The following SMC2 variants were observed in gnomAD, a reference collection of about 807,000 sequenced individuals.
SMC2 encodes the protein structural maintenance of chromosomes 2, also known as structural maintenance of chromosomes protein 2.
In SMC2, 41 loss-of-function variants were observed where a neutral mutation model predicts 142.6. The observed-to-expected ratio is 0.29, with a 90% CI of 0.22 to 0.37. The LOEUF is 0.37. SMC2 is among the 10% of genes least tolerant of loss of function. The probability of loss-of-function intolerance (pLI) is 1.00; values close to 1 mark genes in which losing one functional copy is unlikely to be tolerated. For missense variants in SMC2, 1,265 were observed against 1,373.7 expected (o/e 0.92, Z 1.25); for synonymous variants, 463 against 457.5 (o/e 1.01, Z -0.15).
At chr9:104,127,607 T>C (rs1250823195) in intron 20 of SMC2, 127 bp downstream of exon 20, 8 of 561,664 alleles carry the variant, frequency 1.4e-5, no homozygotes, top group Non-Finnish European at 2.3e-5. Flanking sequence ...CTGGCATAAA[T>C]TTGAGCTTGC....
chr9:104,107,193 A>C (rs532082943), intron 9 of SMC2, among the ~76,000 whole-genome samples: 1 of 152,328 alleles, frequency 6.6e-6, no homozygotes, highest in South Asian at 2.1e-4. Context: ...AGGGTTTGTA[A>C]GCACCCAAGT....
In SMC2 at chr9:104,102,476, G is replaced by A. The variant is rs754760774; in HGVS notation, c.923G>A (p.Arg308Gln). The part of the protein sequence containing the change: ...SLEDALAEAQ[R>Q]VNTKSQSAFD... Reference sequence around the variant, plus strand: ...GAAGATGCTCTTGCAGAGGCTCAGCGAGTTAATACTAAATCTCAAAGCGCA... The same window carrying A: ...GAAGATGCTCTTGCAGAGGCTCAGCAAGTTAATACTAAATCTCAAAGCGCA... Residue 308 changes from arginine to glutamine, a missense_variant, in exon 9 of 25, where the codon CGA becomes CAA. This residue lies in a region of SMC2 where 898 missense variants were observed against 904.2 expected (regional missense o/e 0.99). Transcript: ENST00000374793. 13 of 1,613,470 alleles carry A rather than the reference G, an allele frequency of 8.1e-6. No homozygotes were observed. Among genetic ancestry groups the A allele is most frequent in the Non-Finnish European group, 9.3e-6 (11 of 1,179,730 alleles).
At position 104,116,333 on chromosome 9, in the gene SMC2, T is replaced by C; in HGVS notation, c.1791+14T>C. On this transcript the variant is annotated intron_variant, in intron 14 of 24. Coordinates refer to ENST00000374793, the MANE Select transcript of SMC2 (RefSeq NM_006444.3). ...GCTCAGAATCTTGTAAGTCTCATTTTGTCTTATTTATATGTTTAATCGTCA... is the reference window on the plus strand; with the variant it reads ...GCTCAGAATCTTGTAAGTCTCATTTCGTCTTATTTATATGTTTAATCGTCA... 6.3e-7 allele frequency: 1 copy of C among 1,594,870 alleles called. No individual in the cohort carries two copies. Among genetic ancestry groups the C allele is most frequent in the Non-Finnish European group, 8.5e-7 (1 of 1,173,304 alleles).
intron 14 of SMC2, among the ~76,000 whole-genome samples, chr9:104,116,946 A>G (rs1833182312): frequency 1.3e-5 from 2 of 152,238 alleles, no homozygotes; most frequent in Admixed American, 1.3e-4. Context: ...CTGTAATATC[A>G]GTTTTTTTAT....
At chr9:104,116,172 G>T (rs1321923405) in intron 13 of SMC2, 28 bp from the exon 14 acceptor site, 4 of 1,549,434 alleles carry the variant, frequency 2.6e-6, no homozygotes, top group Non-Finnish European at 3.5e-6. Flanking sequence ...TTTAACATGC[G>T]TTTTTTAAAT....
At position 104,111,590 on chromosome 9, in the gene SMC2, A is replaced by T; in HGVS notation, c.1030A>T (p.Thr344Ser). 6.2e-7 allele frequency: 1 copy of T among 1,611,310 alleles called. No individual in the cohort carries two copies. The highest frequency in any genetic ancestry group is 8.5e-7 in the Non-Finnish European group (1 of 1,178,760). ...GAAACTCTTCCTAAAGGACTCAAAA[A>T]CTTTAGCAGCAAAGGAAAAAGAGGT... ...LEKNMVEDSK[T>S]LAAKEKEVKK... The change falls in exon 10 of 25, where the codon ACT (threonine) becomes TCT (serine). Residue 344 changes from threonine (T) to serine (S), a missense_variant. Physicochemically the swap from Thr to Ser is moderately conservative, Grantham distance 58 (BLOSUM62 1). This residue lies in a region of SMC2 where 898 missense variants were observed against 904.2 expected (regional missense o/e 0.99). Coordinates refer to ENST00000374793, the MANE Select transcript of SMC2 (RefSeq NM_006444.3).
intron 23 of SMC2, among the ~76,000 whole-genome samples, chr9:104,137,526 AAT>A (rs889942622): frequency 3.3e-5 from 5 of 151,994 alleles, no homozygotes; most frequent in African/African-American, 1.2e-4. Flanking sequence ...GGTACCAAAA[AAT>A]ATATAGATTG....
Position 104,133,471 on chromosome 9 carries a change from A to G in SMC2, c.3109-944A>G, listed in dbSNP as rs150217541. Among the ~76,000 whole-genome samples the G allele has an allele frequency of 3.3e-3, 496 of 152,294 alleles. 3 individuals carry two copies. The highest frequency in any genetic ancestry group is 0.011 in the African/African-American group (477 of 41,566). ...GTGTCTATGAGATTTTCTTGTTACT[A>G]TAAGTATTCATTAAAAAGTATATTT... On this transcript the variant is annotated intron_variant, in intron 22 of 24. Coordinates refer to ENST00000374793, the MANE Select transcript of SMC2 (RefSeq NM_006444.3).
intron 23 of SMC2, 150 bp from the exon 24 acceptor site, chr9:104,137,868 T>TA: frequency 2.3e-6 from 1 of 437,388 alleles, no homozygotes; most frequent in South Asian, 9.6e-5. Context: ...ACAAAAGTGT[T>TA]AAAGTTTGAA....
intron 16 of SMC2, among the ~76,000 whole-genome samples, chr9:104,122,173 T>G (rs1833811544): frequency 6.6e-6 from 1 of 152,200 alleles, no homozygotes; most frequent in African/African-American, 2.4e-5. Context: ...ACATTTGGCT[T>G]AGAACTGTTA....
intron 16 of SMC2, among the ~76,000 whole-genome samples, chr9:104,122,670 C>G (rs1021731833): frequency 1.3e-5 from 2 of 152,010 alleles, no homozygotes; most frequent in Non-Finnish European, 2.9e-5. Context: ...TTTTCTTACA[C>G]TAAAAGTAGG....
chr9:104,102,648 C>T, intron 9 of SMC2, 75 bp downstream of exon 9: 1 of 1,388,406 alleles, frequency 7.2e-7, no homozygotes, highest in Admixed American at 2.6e-5. Context: ...TTTATCTATT[C>T]CATGAATATT....
At chr9:104,113,110 C>T (rs1207194415) in intron 10 of SMC2, among the ~76,000 whole-genome samples, 1 of 151,988 alleles carries the variant, frequency 6.6e-6, no homozygotes, top group East Asian at 1.9e-4. Flanking sequence ...ACATATTAAT[C>T]ATATATTAGT....
At chr9:104,132,147 T>C (rs1835045900) in intron 22 of SMC2, 22 bp downstream of exon 22, 1 of 1,233,348 alleles carries the variant, frequency 8.1e-7, no homozygotes, top group Non-Finnish European at 1.2e-6. Context: ...GTTTGTTTTA[T>C]ATGAGGTTGC....
intron 20 of SMC2, among the ~76,000 whole-genome samples, chr9:104,128,540 A>G (rs751896121): frequency 5.5e-4 from 83 of 152,198 alleles, no homozygotes; most frequent in Non-Finnish European, 1.0e-3. Flanking sequence ...CTGACAATGT[A>G]AGGATGAGCA....
At chr9:104,121,081 C>T (rs561197909) in intron 16 of SMC2, among the ~76,000 whole-genome samples, 5 of 152,240 alleles carry the variant, frequency 3.3e-5, no homozygotes, top group African/African-American at 7.2e-5. Context: ...AGTAAACACA[C>T]GAAAGAGTGA....
chr9:104,094,540 GGCGGGAGGCGGGGC>G (rs984249299), intron 1 of SMC2, 63 bp downstream of exon 1: 23 of 369,564 alleles, frequency 6.2e-5, no homozygotes, highest in African/African-American at 2.6e-4. Flanking sequence ...GGAGGCGGGA[GGCGGGAGGCGGGGC>G]GCGGGGCGCG....
intron 20 of SMC2, among the ~76,000 whole-genome samples, chr9:104,127,985 T>C (rs1834500686): frequency 6.6e-6 from 1 of 152,212 alleles, no homozygotes; most frequent in Non-Finnish European, 1.5e-5. Flanking sequence ...TTTGAGGTTA[T>C]CCCAGTTTCT....
intron 10 of SMC2, among the ~76,000 whole-genome samples, chr9:104,112,165 G>A (rs1832530308): frequency 6.6e-6 from 1 of 152,128 alleles, no homozygotes; most frequent in African/African-American, 2.4e-5. Flanking sequence ...ATAACATAAT[G>A]TTGAAGTCTT....
Sources: gnomAD v4.1 joint callset for allele counts (sites outside exome capture counted in the v4.1 genomes callset) on GRCh38, gnomAD v4.1.1 for gene constraint, gnomAD v4.1.1 regional missense constraint, MANE v1.5 for transcripts, NCBI Gene and HGNC (gene_info 2026-07-23, HGNC 2026-07-21) for gene names.